The following AIG1 variants were observed in gnomAD, a reference collection of about 807,000 sequenced individuals.
AIG1 encodes androgen induced 1, also known as androgen-induced gene 1 protein.
AIG1 carries 23 observed loss-of-function variants against 31.4 expected under a neutral mutation model. The ratio of observed to expected loss-of-function variants is 0.73; its 90% CI spans 0.53 to 1.04. The LOEUF is 1.04. Ranked by LOEUF, AIG1 falls within the 50% of genes least tolerant of loss-of-function variation. The pLI, the probability that AIG1 is intolerant of heterozygous loss-of-function variation, is 0.00. For missense variants in AIG1, 274 were observed against 295.0 expected (o/e 0.93, Z 0.52); for synonymous variants, 100 against 110.5 (o/e 0.90, Z 0.60).
chr6:143,336,416 A>G (rs1291074969), intron 5 of AIG1, among the ~76,000 whole-genome samples: 1 of 152,192 alleles, frequency 6.6e-6, no homozygotes, highest in Non-Finnish European at 1.5e-5. Flanking sequence ...AGAACAGGTG[A>G]TGGCAGAGCC....
intron 2 of AIG1, among the ~76,000 whole-genome samples, chr6:143,139,703 C>G (rs7771725): frequency 0.015 from 2,229 of 152,128 alleles, 39 homozygotes; most frequent in Middle Eastern, 0.082. Flanking sequence ...TCTCTCTCCT[C>G]TCCTCTGTTT....
chr6:143,093,447 G>A (rs2128477751), intron 1 of AIG1, among the ~76,000 whole-genome samples: 1 of 152,328 alleles, frequency 6.6e-6, no homozygotes, highest in Admixed American at 6.5e-5. Context: ...GGAATGTTGT[G>A]TCTGGTTTGA....
At chr6:143,182,667 T>C (rs981503054) in intron 3 of AIG1, among the ~76,000 whole-genome samples, 7 of 152,204 alleles carry the variant, frequency 4.6e-5, no homozygotes, top group African/African-American at 1.7e-4. Flanking sequence ...TTATATGTTA[T>C]ATTTATGGTT....
chr6:143,072,704 C>T (rs1447247979), intron 1 of AIG1, among the ~76,000 whole-genome samples: 1 of 151,894 alleles, frequency 6.6e-6, no homozygotes, highest in African/African-American at 2.4e-5. Flanking sequence ...TTGATTTGTT[C>T]ATATGGTTTT....
chr6:143,292,678 G>GA lies in AIG1; in HGVS notation c.515+8460dup, dbSNP rs1798135409. Among the ~76,000 whole-genome samples the GA allele has an allele frequency of 1.3e-5, 2 of 152,092 alleles. No homozygotes were observed. The highest frequency in any genetic ancestry group is 1.3e-4 in the Admixed American group (2 of 15,272). On this transcript the variant is annotated intron_variant, in intron 4 of 5. Coordinates refer to ENST00000357847, the MANE Select transcript of AIG1 (RefSeq NM_016108.4). This position sits in a 1 kb window ranked among gnomAD's most constrained non-coding sequence, Gnocchi z 4.9. ...CTGTGGCAATGTGTCATAGTAGCAA[G>GA]AAAAAAACGAATACTTGAACAAATC...
At chr6:143,233,570 T>C (rs1291503936) in intron 3 of AIG1, among the ~76,000 whole-genome samples, 10 of 141,834 alleles carry the variant, frequency 7.1e-5, no homozygotes, top group African/African-American at 2.7e-4. Flanking sequence ...TCAAAGAAGA[T>C]TTATGGACCA....
chr6:143,097,227 T>A (rs1305655373), intron 1 of AIG1, among the ~76,000 whole-genome samples: 1 of 152,134 alleles, frequency 6.6e-6, no homozygotes, highest in Non-Finnish European at 1.5e-5. Flanking sequence ...AAGTGGGGCT[T>A]GCTCTGTTAC....
chr6:143,150,992 A>AG (rs1025234368), intron 2 of AIG1, among the ~76,000 whole-genome samples: 2 of 152,214 alleles, frequency 1.3e-5, no homozygotes, highest in Admixed American at 1.3e-4. Context: ...CCAAATGCCA[A>AG]GAAAAAACGC....
chr6:143,331,228 T>G lies in AIG1; in HGVS notation c.516-2054T>G, dbSNP rs938238489. On this transcript the variant is annotated intron_variant, in intron 4 of 5. Transcript: ENST00000357847. The surrounding 1 kb of genome is among the most constrained non-coding windows in gnomAD (Gnocchi z 4.1). ...CATAATATTTGTCATTTTAGCTATT[T>G]GCAAGTATACTATTTAATGTCCTTA... Among the ~76,000 whole-genome samples the G allele has an allele frequency of 1.3e-5, 2 of 152,212 alleles. No individual in the cohort carries two copies. Among genetic ancestry groups the G allele is most frequent in the Non-Finnish European group, 2.9e-5 (2 of 68,030 alleles).
intron 1 of AIG1, among the ~76,000 whole-genome samples, chr6:143,107,426 A>G (rs891297211): frequency 6.6e-6 from 1 of 152,222 alleles, no homozygotes. Context: ...TCTGTCTTCT[A>G]GATTGTAGAA....
intron 3 of AIG1, among the ~76,000 whole-genome samples, chr6:143,239,454 A>T (rs1794062795): frequency 6.6e-6 from 1 of 152,082 alleles, no homozygotes; most frequent in Non-Finnish European, 1.5e-5. Flanking sequence ...GAACGAGGAG[A>T]TGGTGGATGC....
chr6:143,203,624 G>A (rs1372945765), intron 3 of AIG1, among the ~76,000 whole-genome samples: 1 of 152,120 alleles, frequency 6.6e-6, no homozygotes, highest in Non-Finnish European at 1.5e-5. Flanking sequence ...AGAAAACTAG[G>A]ACCAATGGAT....
chr6:143,331,167 A>G lies in AIG1; in HGVS notation c.516-2115A>G, dbSNP rs1371514052. ...TGTTTTTTTTTTCCTAATTTCCACC[A>G]CAGGAACATTTTTTATTGTGCTAAA... On this transcript the variant is annotated intron_variant, in intron 4 of 5. Coordinates refer to ENST00000357847, the MANE Select transcript of AIG1 (RefSeq NM_016108.4). The surrounding 1 kb of genome is among the most constrained non-coding windows in gnomAD (Gnocchi z 4.1). Among the ~76,000 whole-genome samples, 3 of 151,756 alleles carry G rather than the reference A, an allele frequency of 2.0e-5. No homozygotes were observed. Among genetic ancestry groups the G allele is most frequent in the Non-Finnish European group, 4.4e-5 (3 of 67,936 alleles).
intron 2 of AIG1, among the ~76,000 whole-genome samples, chr6:143,154,341 A>G (rs1005505675): frequency 6.6e-6 from 1 of 152,206 alleles, no homozygotes; most frequent in Non-Finnish European, 1.5e-5. Flanking sequence ...GCCAGCCTTA[A>G]TAAAGCACTG....
chr6:143,141,927 T>C (rs1286128146), intron 2 of AIG1, among the ~76,000 whole-genome samples: 3 of 151,416 alleles, frequency 2.0e-5, no homozygotes, highest in East Asian at 1.9e-4. Flanking sequence ...AAACAGCAAA[T>C]AAATAAATAA....
intron 4 of AIG1, among the ~76,000 whole-genome samples, chr6:143,285,936 C>T (rs1229089247): frequency 6.6e-6 from 1 of 152,116 alleles, no homozygotes; most frequent in African/African-American, 2.4e-5. Flanking sequence ...GGAGGCTGCA[C>T]AATTATTCCA....
intron 1 of AIG1, among the ~76,000 whole-genome samples, chr6:143,070,965 G>T (rs138928304): frequency 6.6e-6 from 1 of 152,264 alleles, no homozygotes; most frequent in East Asian, 1.9e-4. Context: ...TCTCCCAGTG[G>T]TTACACCTTG....
intron 3 of AIG1, among the ~76,000 whole-genome samples, chr6:143,281,895 G>A (rs941232853): frequency 1.3e-5 from 2 of 152,186 alleles, no homozygotes; most frequent in Admixed American, 1.3e-4. Context: ...TTATGTCACT[G>A]ATGGGACAAG....
rs1212659427 is a variant in AIG1 at position 143,288,534 on chromosome 6, C to T, written c.515+4309C>T. ...AGCAAAATAGAGATGTCTGTTGTCT[C>T]TGCACCCTAGTGGTTTTAAACAAAT... On this transcript the variant is annotated intron_variant, in intron 4 of 5. Transcript: ENST00000357847. This position sits in a 1 kb window ranked among gnomAD's most constrained non-coding sequence, Gnocchi z 4.4. 6.6e-6 allele frequency among the ~76,000 whole-genome samples: 1 copy of T among 152,206 alleles called. No homozygotes were observed. The highest frequency in any genetic ancestry group is 1.5e-5 in the Non-Finnish European group (1 of 68,044).
Sources: gnomAD v4.1 joint callset for allele counts (sites outside exome capture counted in the v4.1 genomes callset) on GRCh38, gnomAD v4.1.1 for gene constraint, Gnocchi (gnomAD v3.1) non-coding constraint, MANE v1.5 for transcripts, NCBI Gene and HGNC (gene_info 2026-07-23, HGNC 2026-07-21) for gene names.